The following COL11A1 variants were observed in gnomAD, a reference collection of about 807,000 sequenced individuals.
The protein encoded by COL11A1 is collagen type XI alpha 1 chain.
COL11A1 carries 74 observed loss-of-function variants against 265.2 expected under a neutral mutation model. The ratio of observed to expected loss-of-function variants is 0.28; its 90% confidence interval spans 0.23 to 0.34. The LOEUF (loss-of-function observed/expected upper bound fraction) is 0.34. Ranked by LOEUF, COL11A1 falls within the 10% of genes least tolerant of loss-of-function variation. COL11A1 has a pLI of 1.00. For missense variants in COL11A1, 2,165 were observed against 2,263.6 expected (o/e 0.96, Z 0.88); for synonymous variants, 816 against 727.6 (o/e 1.12, Z -1.96).
intron 4 of COL11A1, among the ~76,000 whole-genome samples, chr1:103,069,320 T>C (rs1671389646): frequency 6.6e-6 from 1 of 151,804 alleles, no homozygotes; most frequent in South Asian, 2.1e-4. Context: ...AGAAAGTCGT[T>C]TCAGAAAAAT....
At chr1:102,993,470 A>G (rs775140907) in intron 28 of COL11A1, among the ~76,000 whole-genome samples, 5 of 152,152 alleles carry the variant, frequency 3.3e-5, no homozygotes, top group Non-Finnish European at 5.9e-5. Context: ...TAGAATACTG[A>G]TAATACCTAA....
intron 4 of COL11A1, among the ~76,000 whole-genome samples, chr1:103,053,495 T>C (rs1332592932): frequency 6.6e-6 from 1 of 152,214 alleles, no homozygotes; most frequent in African/African-American, 2.4e-5. Flanking sequence ...ACAGAATCAC[T>C]GAAGCTTGGT....
rs540506205 is a variant in COL11A1 at position 102,971,913 on chromosome 1, T to C, written c.2809-1641A>G. On this transcript the variant is annotated intron_variant, in intron 36 of 66. Transcript: ENST00000370096. ...TTTTAACCAAGGACCCAAAACATTC[T>C]TGGATGTCATTTAACCATGGCTTCT... Among the ~76,000 whole-genome samples the C allele has an allele frequency of 1.3e-3, 196 of 152,310 alleles. 1 individual carries two copies. The highest frequency in any genetic ancestry group is 0.01 in the Middle Eastern group (3 of 294).
rs753303592 is a variant in COL11A1, at chr1:102,914,851, GAA to G, written c.3817-42_3817-41del. 17 of 1,475,114 alleles carry G rather than the reference GAA, an allele frequency of 1.2e-5. No homozygotes were observed. In the African/African-American group the frequency reaches 2.1e-4, roughly 18 times the overall value. The allele number at this position is 1,475,114 out of a possible 1,614,324, so 91.4% of individuals were successfully genotyped here. A position where few individuals can be genotyped will look rare whatever the true frequency, so the allele number is the denominator to read the frequency against. On this transcript the variant is annotated intron_variant, in intron 50 of 66. Coordinates refer to ENST00000370096, the MANE Select transcript of COL11A1 (RefSeq NM_001854.4). Reference sequence around the variant, plus strand: ...AAAAAAAAAAAGAAGAAGAAGGAAAGAAGAGTTATCTTACAAGTTTTGCATAA... The same window carrying G: ...AAAAAAAAAAAGAAGAAGAAGGAAAGGAGTTATCTTACAAGTTTTGCATAA...
intron 46 of COL11A1, among the ~76,000 whole-genome samples, chr1:102,930,068 T>C (rs1242749269): frequency 6.6e-6 from 1 of 152,190 alleles, no homozygotes; most frequent in Non-Finnish European, 1.5e-5. Flanking sequence ...CTTTTCCTAA[T>C]TGAATACCCT....
intron 4 of COL11A1, among the ~76,000 whole-genome samples, chr1:103,039,156 G>C (rs2102038721): frequency 6.6e-6 from 1 of 152,228 alleles, no homozygotes. Context: ...TTTTTGAACT[G>C]TATCTCTCCT....
At chr1:102,942,511 T>G (rs759311289) in intron 42 of COL11A1, among the ~76,000 whole-genome samples, 3 of 152,180 alleles carry the variant, frequency 2.0e-5, no homozygotes, top group African/African-American at 7.2e-5. Flanking sequence ...ACTGGAAACA[T>G]TCATCTCTCC....
At chr1:102,927,923 T>G (rs943101119) in intron 46 of COL11A1, among the ~76,000 whole-genome samples, 1 of 152,114 alleles carries the variant, frequency 6.6e-6, no homozygotes, top group African/African-American at 2.4e-5. Context: ...TGCTTTCAAT[T>G]TTTTTAGCCA....
chr1:103,099,642 C>G (rs1241391106), intron 1 of COL11A1, among the ~76,000 whole-genome samples: 1 of 151,676 alleles, frequency 6.6e-6, no homozygotes, highest in East Asian at 1.9e-4. Flanking sequence ...TCAGATTAAA[C>G]TTTCTTGTTC....
intron 4 of COL11A1, among the ~76,000 whole-genome samples, chr1:103,049,171 G>A (rs1217524177): frequency 2.6e-5 from 4 of 152,170 alleles, no homozygotes; most frequent in African/African-American, 7.2e-5. Flanking sequence ...CTTCTGTCTC[G>A]TTGATCTGTC....
intron 44 of COL11A1, 25 bp from the exon 45 acceptor site, chr1:102,935,138 T>G: frequency 6.2e-7 from 1 of 1,605,958 alleles, no homozygotes; most frequent in South Asian, 1.1e-5. Context: ...AAATAAGTAA[T>G]TTTTAAAGTG....
chr1:102,944,504 G>A (rs1659048788), intron 42 of COL11A1, among the ~76,000 whole-genome samples: 2 of 152,072 alleles, frequency 1.3e-5, no homozygotes, highest in East Asian at 1.9e-4. Context: ...AAGAGGATGG[G>A]GAAGCAAGGC....
At chr1:102,912,110 A>T in intron 54 of COL11A1, 49 bp downstream of exon 54, 2 of 1,416,644 alleles carry the variant, frequency 1.4e-6, no homozygotes, top group Non-Finnish European at 2.0e-6. Flanking sequence ...AAATTTATCC[A>T]TGGTGACTAA....
rs148114270 is a variant in COL11A1, at chr1:103,008,532, G to A, written c.1630-16C>T. On this transcript the variant is annotated splice_polypyrimidine_tract_variant and intron_variant, in intron 14 of 66. Transcript: ENST00000370096. ...CAGGCCCCCCCTATAGAGAAAAAGTGAAGATATTTCACTTAATTTAGCAAT... is the reference window on the plus strand; with the variant it reads ...CAGGCCCCCCCTATAGAGAAAAAGTAAAGATATTTCACTTAATTTAGCAAT... The A allele has an allele frequency of 1.2e-6, 2 of 1,612,106 alleles. No homozygotes were observed. The highest frequency in any genetic ancestry group is 2.7e-5 in the African/African-American group (2 of 74,992).
At chr1:103,101,896 C>T (rs1293883373) in intron 1 of COL11A1, among the ~76,000 whole-genome samples, 2 of 151,946 alleles carry the variant, frequency 1.3e-5, no homozygotes, top group African/African-American at 4.8e-5. Context: ...GTTCTTTCTC[C>T]TAAATTAATA....
chr1:103,108,005 G>T, intron 1 of COL11A1, 68 bp downstream of exon 1: 1 of 1,110,132 alleles, frequency 9.0e-7, no homozygotes, highest in East Asian at 2.4e-5. Flanking sequence ...GGGTAAAGTG[G>T]GGGGAGGGGC....
chr1:102,921,671 T>A, intron 47 of COL11A1, 100 bp from the exon 48 acceptor site: 1 of 1,005,172 alleles, frequency 9.9e-7, no homozygotes, highest in Non-Finnish European at 1.5e-6. Context: ...TTTAAGCTTG[T>A]AAAAACTATA....
At chr1:103,037,153 T>C (rs182811538) in intron 4 of COL11A1, among the ~76,000 whole-genome samples, 31 of 150,028 alleles carry the variant, frequency 2.1e-4, no homozygotes, top group Admixed American at 4.7e-4. Flanking sequence ...TATATATATA[T>C]ATATAAAGTC....
chr1:103,053,345 A>G (rs1669981490), intron 4 of COL11A1, among the ~76,000 whole-genome samples: 1 of 152,184 alleles, frequency 6.6e-6, no homozygotes, highest in South Asian at 2.1e-4. Context: ...ATGGGACTTT[A>G]TTTGCATATC....
Sources: allele counts gnomAD v4.1 joint callset (sites outside exome capture counted in the v4.1 genomes callset), GRCh38; gene constraint gnomAD v4.1.1; transcripts MANE v1.5; gene names NCBI Gene and HGNC (gene_info 2026-07-23, HGNC 2026-07-21).